RNF220: variants seen among roughly 807,000 people sequenced by gnomAD.
RNF220 encodes the protein E3 ubiquitin-protein ligase RNF220.
A neutral mutation model predicts 67.1 loss-of-function variants in RNF220; 7 were observed. The ratio of observed to expected loss-of-function variants is 0.10; its 90% CI spans 0.06 to 0.20. The LOEUF (loss-of-function observed/expected upper bound fraction) is 0.20, where lower values mean the gene tolerates loss of function less well. RNF220 is among the 10% of genes least tolerant of loss of function. The pLI is 1.00. For synonymous variants in RNF220, 270 were observed against 283.2 expected, an observed-to-expected ratio of 0.95 and a Z score of 0.47; for missense variants, 565 against 740.3, an observed-to-expected ratio of 0.76 and a Z score of 2.75.
At chr1:44,411,422 C>A (rs974185883) in intron 1 of RNF220, among the ~76,000 whole-genome samples, 1 of 152,130 alleles carries the variant, frequency 6.6e-6, no homozygotes, top group Non-Finnish European at 1.5e-5. Flanking sequence ...CAATGTGTAT[C>A]TTTTATCCAT....
chr1:44,531,227 A>G (rs948355109), intron 2 of RNF220, among the ~76,000 whole-genome samples: 4 of 152,180 alleles, frequency 2.6e-5, no homozygotes, highest in Admixed American at 2.6e-4. Flanking sequence ...CAGAAGTTTC[A>G]CTAAGTGCTT....
chr1:44,528,261 T>C (rs909543142), intron 2 of RNF220, among the ~76,000 whole-genome samples: 7 of 151,552 alleles, frequency 4.6e-5, no homozygotes, highest in African/African-American at 1.5e-4. Context: ...ATATAGTTCA[T>C]GTAAATTAAA....
At chr1:44,626,978 A>C (rs1643962130) in intron 5 of RNF220, 1 of 138,816 alleles carries the variant, frequency 7.2e-6, no homozygotes, top group African/African-American at 2.8e-5. Context: ...TGGAGGTTGC[A>C]GTGAGCCAAG....
At chr1:44,447,005 G>A (rs1652176745) in intron 2 of RNF220, among the ~76,000 whole-genome samples, 1 of 152,208 alleles carries the variant, frequency 6.6e-6, no homozygotes, top group South Asian at 2.1e-4. Context: ...TTAAGAAGAT[G>A]TATTGTAATG....
In RNF220 at chr1:44,417,291, T is replaced by C. The variant is rs1310915010; in HGVS notation, c.625+4569T>C. Reference sequence around the variant, plus strand: ...CGGGGGCAAGAACTCCTGTGATGTGTGTGGTTGTTTCTGGTTGTTCACTCC... The same window carrying C: ...CGGGGGCAAGAACTCCTGTGATGTGCGTGGTTGTTTCTGGTTGTTCACTCC... On this transcript the variant is annotated intron_variant, in intron 2 of 14. Transcript: ENST00000361799. The surrounding 1 kb of genome is among the most constrained non-coding windows in gnomAD (Gnocchi z 4.0). 1.3e-5 allele frequency among the ~76,000 whole-genome samples: 2 copies of C among 152,242 alleles called. No homozygotes were observed. Among genetic ancestry groups the C allele is most frequent in the African/African-American group, 4.8e-5 (2 of 41,464 alleles).
At chr1:44,470,529 A>C (rs544601891) in intron 2 of RNF220, among the ~76,000 whole-genome samples, 41 of 152,140 alleles carry the variant, frequency 2.7e-4, no homozygotes, top group Non-Finnish European at 4.9e-4. Flanking sequence ...CCACTATTCT[A>C]CTGTCTTCTC....
At chr1:44,614,019 C>T (rs955791945) in intron 2 of RNF220, 146 bp from the exon 3 acceptor site, 16 of 949,410 alleles carry the variant, frequency 1.7e-5, no homozygotes, top group Non-Finnish European at 2.3e-5. Context: ...GAGGGGTGCT[C>T]GTGGGCTCTG....
intron 2 of RNF220, among the ~76,000 whole-genome samples, chr1:44,580,051 AAAAAAAGAAAG>A (rs1665140784): frequency 6.9e-6 from 1 of 145,512 alleles, no homozygotes. Context: ...AAAAAAAAAA[AAAAAAAGAAAG>A]AAAAGAAAGA....
intron 2 of RNF220, among the ~76,000 whole-genome samples, chr1:44,548,712 G>A (rs200483362): frequency 3.3e-5 from 5 of 152,106 alleles, no homozygotes; most frequent in East Asian, 3.9e-4. Context: ...GGCTGGTCTC[G>A]AACTCCTGGC....
chr1:44,460,407 TG>T (rs1415841477), intron 2 of RNF220, among the ~76,000 whole-genome samples: 1 of 152,154 alleles, frequency 6.6e-6, no homozygotes, highest in Non-Finnish European at 1.5e-5. Flanking sequence ...GCTAGACTGC[TG>T]TGGAGCAGTA....
intron 2 of RNF220, among the ~76,000 whole-genome samples, chr1:44,494,256 T>C (rs1057445618): frequency 7.1e-6 from 1 of 140,490 alleles, no homozygotes; most frequent in Non-Finnish European, 1.6e-5. Flanking sequence ...GCAGTAATGG[T>C]GGGGATGGTG....
intron 12 of RNF220, among the ~76,000 whole-genome samples, chr1:44,648,121 A>T (rs1352270348): frequency 4.6e-5 from 7 of 152,108 alleles, no homozygotes; most frequent in African/African-American, 1.7e-4. Flanking sequence ...CTGGAGCCCC[A>T]CCTCCTCCTG....
intron 2 of RNF220, among the ~76,000 whole-genome samples, chr1:44,585,491 T>C (rs1665632025): frequency 6.6e-6 from 1 of 152,234 alleles, no homozygotes; most frequent in Non-Finnish European, 1.5e-5. Flanking sequence ...CTGTTCTACC[T>C]AAGTCCCTAC....
intron 2 of RNF220, among the ~76,000 whole-genome samples, chr1:44,612,142 G>A (rs1643337858): frequency 6.6e-6 from 1 of 152,204 alleles, no homozygotes; most frequent in Non-Finnish European, 1.5e-5. Flanking sequence ...CAGAGACCTT[G>A]CCACACGGAC....
At chr1:44,468,588 T>C (rs1049442280) in intron 2 of RNF220, among the ~76,000 whole-genome samples, 59 of 152,194 alleles carry the variant, frequency 3.9e-4, no homozygotes, top group Admixed American at 2.0e-4. Flanking sequence ...TATATAATCT[T>C]TTGTATCTTT....
intron 2 of RNF220, among the ~76,000 whole-genome samples, chr1:44,589,785 C>T (rs1665985444): frequency 6.6e-6 from 1 of 152,150 alleles, no homozygotes; most frequent in African/African-American, 2.4e-5. Flanking sequence ...ATATTTCTGT[C>T]TCTACCAATA....
In RNF220 at chr1:44,640,550, C is replaced by T. The variant is rs147938161; in HGVS notation, c.1127-4148C>T. On this transcript the variant is annotated intron_variant, in intron 8 of 14. Coordinates refer to ENST00000361799, the MANE Select transcript of RNF220 (RefSeq NM_018150.4). The stretch of plus-strand genomic sequence containing the variant: ...AGGAGCAAGTATCAATGGTTTTAAA[C>T]GGCGTCTGTCTCTCTGCGTCTCTCC... Among the ~76,000 whole-genome samples the T allele has an allele frequency of 1.9e-3, 289 of 152,352 alleles. 2 individuals carry two copies. The highest frequency in any genetic ancestry group is 6.6e-3 in the African/African-American group (274 of 41,578).
chr1:44,521,483 G>A (rs1158752659), intron 2 of RNF220, among the ~76,000 whole-genome samples: 1 of 152,182 alleles, frequency 6.6e-6, no homozygotes, highest in African/African-American at 2.4e-5. Flanking sequence ...CAGGACCATA[G>A]AGGAGCACTC....
intron 6 of RNF220, 68 bp downstream of exon 6, chr1:44,632,453 C>CAGGAGCGGCAGGCAGTGAG: frequency 6.8e-7 from 1 of 1,464,904 alleles, no homozygotes; most frequent in Non-Finnish European, 9.3e-7. Flanking sequence ...CACTGCCTGC[C>CAGGAGCGGCAGGCAGTGAG]GCTCCTGGCT....
Sources: gnomAD v4.1 joint callset for allele counts (sites outside exome capture counted in the v4.1 genomes callset) on GRCh38, gnomAD v4.1.1 for gene constraint, Gnocchi (gnomAD v3.1) non-coding constraint, MANE v1.5 for transcripts, NCBI Gene and HGNC (gene_info 2026-07-23, HGNC 2026-07-21) for gene names.